STARD6: variants seen among roughly 807,000 people sequenced by gnomAD.
STARD6 encodes the protein StAR related lipid transfer domain containing 6.
A neutral mutation model predicts 22.3 loss-of-function variants in STARD6; 21 were observed. The observed-to-expected ratio is 0.94, with a 90% confidence interval of 0.67 to 1.35. The LOEUF is 1.35. Ranked by LOEUF, STARD6 falls within the 40% of genes most tolerant of loss-of-function variation. STARD6 has a pLI of 0.00. For missense variants in STARD6, 269 were observed against 266.9 expected, an observed-to-expected ratio of 1.01 and a Z score of -0.05; for synonymous variants, 80 against 88.1, an observed-to-expected ratio of 0.91 and a Z score of 0.52.
intron 6 of STARD6, among the ~76,000 whole-genome samples, chr18:54,330,010 T>C (rs1197574909): frequency 6.6e-6 from 1 of 151,998 alleles, no homozygotes; most frequent in Non-Finnish European, 1.5e-5. Flanking sequence ...ATTTTAGAAT[T>C]ATGCAACCTA....
chr18:54,342,448 TCTCCC>T (rs2088979637), intron 4 of STARD6, among the ~76,000 whole-genome samples: 1 of 126,398 alleles, frequency 7.9e-6, no homozygotes, highest in Non-Finnish European at 1.7e-5. Flanking sequence ...TCCCTCTCCC[TCTCCC>T]TCTCCCTCTC....
chr18:54,346,620 C>G (rs922537920), intron 4 of STARD6, among the ~76,000 whole-genome samples: 31 of 151,980 alleles, frequency 2.0e-4, no homozygotes, highest in Admixed American at 1.6e-3. Context: ...AATTTCATAA[C>G]AGCATTATTT....
chr18:54,333,218 G>A (rs560063727), intron 5 of STARD6, among the ~76,000 whole-genome samples: 14 of 152,324 alleles, frequency 9.2e-5, no homozygotes, highest in African/African-American at 3.1e-4. Flanking sequence ...GGGAGGCCGA[G>A]GCAGGCTGAT....
At chr18:54,325,859 C>G (rs2088820778) in intron 7 of STARD6, among the ~76,000 whole-genome samples, 1 of 152,088 alleles carries the variant, frequency 6.6e-6, no homozygotes, top group South Asian at 2.1e-4. Context: ...CCCATTTACA[C>G]TTTTATAAAT....
At chr18:54,351,972 G>A (rs1458219796) in intron 4 of STARD6, among the ~76,000 whole-genome samples, 1 of 139,250 alleles carries the variant, frequency 7.2e-6, no homozygotes, top group Non-Finnish European at 1.5e-5. Flanking sequence ...TCATAGAATG[G>A]AGGATTCCTT....
intron 2 of STARD6, among the ~76,000 whole-genome samples, chr18:54,356,115 C>A (rs1412498761): frequency 6.6e-6 from 1 of 152,202 alleles, no homozygotes; most frequent in Non-Finnish European, 1.5e-5. Context: ...ATAAATCCAT[C>A]ATTTAAAAAA....
rs1164841569 is a variant in STARD6, at chr18:54,329,490, A to G, written c.386-50T>C. ...TGAAACCTATTCACAAAGAGGAAAAACTATTTCCAGCAGCATATTTTTAGA... is the reference window on the plus strand; with the variant it reads ...TGAAACCTATTCACAAAGAGGAAAAGCTATTTCCAGCAGCATATTTTTAGA... On this transcript the variant is annotated intron_variant, in intron 6 of 7. Coordinates refer to ENST00000307844, the MANE Select transcript of STARD6 (RefSeq NM_139171.2). 6 of 1,405,168 alleles carry G rather than the reference A, an allele frequency of 4.3e-6. No homozygotes were observed. The South Asian group carries it at 6.3e-5, about 15-fold the overall frequency. The allele number at this position is 1,405,168 out of a possible 1,614,324, so 87.0% of individuals were successfully genotyped here.
Position 54,337,107 on chromosome 18 carries a change from T to A in STARD6, c.267+18A>T. 1 of 1,600,158 alleles carries A rather than the reference T, an allele frequency of 6.2e-7. No homozygotes were observed. The highest frequency in any genetic ancestry group is 1.1e-5 in the South Asian group (1 of 88,654). On this transcript the variant is annotated intron_variant, in intron 5 of 7. Coordinates refer to ENST00000307844, the MANE Select transcript of STARD6 (RefSeq NM_139171.2). Reference sequence around the variant, plus strand: ...ATATATTAATGTTCTAGAAGTCCAGTATTAAACAACAAATTACCGAATCAA... The same window carrying A: ...ATATATTAATGTTCTAGAAGTCCAGAATTAAACAACAAATTACCGAATCAA...
intron 5 of STARD6, among the ~76,000 whole-genome samples, chr18:54,336,135 T>C (rs1297852723): frequency 6.6e-6 from 1 of 152,222 alleles, no homozygotes; most frequent in Non-Finnish European, 1.5e-5. Flanking sequence ...CTCAACTTTC[T>C]ACTCCAATTA....
In STARD6 at chr18:54,336,454, G is replaced by A. The variant is rs1357487395; in HGVS notation, c.267+671C>T. The stretch of plus-strand genomic sequence containing the variant: ...CTTCTACCATGATTATAAGTTTCCT[G>A]AGACCTCCCCACCAATGCGGAACTG... On this transcript the variant is annotated intron_variant, in intron 5 of 7. Coordinates refer to ENST00000307844, the MANE Select transcript of STARD6 (RefSeq NM_139171.2). 3.3e-5 allele frequency among the ~76,000 whole-genome samples: 5 copies of A among 152,122 alleles called. No homozygotes were observed. In the South Asian group the frequency reaches 8.3e-4, roughly 25 times the overall value.
At chr18:54,345,006 C>T (rs1240168033) in intron 4 of STARD6, among the ~76,000 whole-genome samples, 1 of 152,124 alleles carries the variant, frequency 6.6e-6, no homozygotes, top group African/African-American at 2.4e-5. Flanking sequence ...GATGTCCACT[C>T]TTGTCACTGC....
chr18:54,340,463 T>C (rs1298070693), intron 4 of STARD6, among the ~76,000 whole-genome samples: 1 of 152,082 alleles, frequency 6.6e-6, no homozygotes, highest in Non-Finnish European at 1.5e-5. Context: ...AAAACCTACT[T>C]AATACAAAAG....
intron 4 of STARD6, among the ~76,000 whole-genome samples, chr18:54,349,459 G>C (rs9949490): frequency 0.12 from 17,967 of 152,156 alleles, 3,577 homozygotes; most frequent in African/African-American, 0.41. Flanking sequence ...TGAGGTCAGA[G>C]AGGTAAGTGG....
At position 54,357,853 on chromosome 18, in the gene STARD6, A is replaced by G. The variant is rs1027927040; in HGVS notation, c.-150T>C. On this transcript the variant is annotated 5_prime_UTR_variant, in exon 1 of 8. The change abolishes an upstream ATG in the 5' untranslated region. Transcript: ENST00000307844. ...TCCTCTCTTCTCCGGCCGCTCCCTC[A>G]TCTCCGCTCGCGCCCGGCGCCCCAC... is the stretch of plus-strand genomic sequence containing the variant. 2.0e-5 allele frequency: 3 copies of G among 152,234 alleles called. No homozygotes were observed. Among genetic ancestry groups the G allele is most frequent in the African/African-American group, 4.8e-5 (2 of 41,432 alleles). 9.4% of individuals were successfully genotyped at this position (152,234 alleles called of 1,614,324 possible).
intron 7 of STARD6, among the ~76,000 whole-genome samples, chr18:54,328,881 T>C (rs781182678): frequency 9.9e-5 from 15 of 152,210 alleles, no homozygotes; most frequent in Non-Finnish European, 4.4e-5. Context: ...TCTTTTTATC[T>C]GAATGTACCT....
At chr18:54,327,325 G>A (rs1335472531) in intron 7 of STARD6, among the ~76,000 whole-genome samples, 1 of 152,004 alleles carries the variant, frequency 6.6e-6, no homozygotes. Flanking sequence ...TATGGTTATA[G>A]GAAATAAAAC....
At chr18:54,342,258 C>T (rs545443801) in intron 4 of STARD6, among the ~76,000 whole-genome samples, 2 of 152,276 alleles carry the variant, frequency 1.3e-5, no homozygotes, top group South Asian at 4.1e-4. Context: ...ACAAAAAGAG[C>T]CCATGCTCAG....
chr18:54,340,333 C>T (rs2088958614), intron 4 of STARD6, among the ~76,000 whole-genome samples: 1 of 152,084 alleles, frequency 6.6e-6, no homozygotes, highest in African/African-American at 2.4e-5. Context: ...AGTTTGTATA[C>T]ATCTGCAGTA....
In STARD6 at chr18:54,342,469, CTCTCCG is replaced by C. The variant is rs1309467249; in HGVS notation, c.141-5224_141-5219del. Among the ~76,000 whole-genome samples the C allele has an allele frequency of 7.9e-3, 1,148 of 144,752 alleles. 34 individuals carry two copies. Among genetic ancestry groups the C allele is most frequent in the African/African-American group, 0.029 (1,037 of 35,894 alleles). 95.0% of individuals were successfully genotyped at this position (144,752 alleles called of 152,430 possible). Reference sequence around the variant, plus strand: ...TCCCTCTCCCTCTCCCTCTCCCTCCCTCTCCGTCTCCGTCTCCGTCTCCCTCTCCCC... The same window carrying C: ...TCCCTCTCCCTCTCCCTCTCCCTCCCTCTCCGTCTCCGTCTCCCTCTCCCC... On this transcript the variant is annotated intron_variant, in intron 4 of 7. Coordinates refer to ENST00000307844, the MANE Select transcript of STARD6 (RefSeq NM_139171.2).
Sources: allele counts gnomAD v4.1 joint callset (sites outside exome capture counted in the v4.1 genomes callset), GRCh38; gene constraint gnomAD v4.1.1; transcripts MANE v1.5; gene names NCBI Gene and HGNC (gene_info 2026-07-23, HGNC 2026-07-21).